Variants in ZNF654 observed in about 807,000 individuals in gnomAD.
The protein encoded by ZNF654 is zinc finger protein 654, also known as melanoma-associated antigen.
A neutral mutation model predicts 95.3 loss-of-function variants in ZNF654; 19 were observed. The observed-to-expected ratio is 0.20, with a 90% CI of 0.14 to 0.29. The LOEUF is 0.29. Among genes scored for constraint, ZNF654 ranks in the 10% least tolerant of loss-of-function variants. ZNF654 has a pLI of 1.00. For synonymous variants in ZNF654, 413 were observed against 457.9 expected, an observed-to-expected ratio of 0.90 and a Z score of 1.25; for missense variants, 1,046 against 1,341.0, an observed-to-expected ratio of 0.78 and a Z score of 3.44.
chr3:88,106,372 C>T (rs1322788435), intron 2 of ZNF654, among the ~76,000 whole-genome samples: 3 of 152,146 alleles, frequency 2.0e-5, no homozygotes, highest in Non-Finnish European at 4.4e-5. Flanking sequence ...GAGTCTCACT[C>T]TGTCACCCAG....
chr3:88,124,621 T>C (rs1705975108), intron 3 of ZNF654, among the ~76,000 whole-genome samples: 1 of 152,238 alleles, frequency 6.6e-6, no homozygotes, highest in Non-Finnish European at 1.5e-5. Context: ...TAGCCTTGAT[T>C]CATCTAATAA....
chr3:88,082,363 G>A (rs761786441), intron 1 of ZNF654, among the ~76,000 whole-genome samples: 1 of 152,212 alleles, frequency 6.6e-6, no homozygotes, highest in Non-Finnish European at 1.5e-5. Context: ...TTGACCTTGT[G>A]ATCTGCCCGC....
At chr3:88,104,560 A>C (rs1307569950) in intron 2 of ZNF654, among the ~76,000 whole-genome samples, 3 of 152,244 alleles carry the variant, frequency 2.0e-5, no homozygotes, top group African/African-American at 7.2e-5. Context: ...GGTTTGTAGC[A>C]TGTTTAAAAC....
intron 1 of ZNF654, among the ~76,000 whole-genome samples, chr3:88,072,089 A>G (rs889355019): frequency 2.0e-5 from 3 of 152,216 alleles, no homozygotes; most frequent in African/African-American, 7.2e-5. Context: ...CTTTAAGAAA[A>G]TAATAGGTAC....
chr3:88,132,000 C>T (rs754528952), intron 6 of ZNF654, among the ~76,000 whole-genome samples: 7 of 152,140 alleles, frequency 4.6e-5, no homozygotes, highest in Non-Finnish European at 1.0e-4. Context: ...CTTTCTCCTT[C>T]ACAATCATTA....
chr3:88,135,105 C>T lies in ZNF654; in HGVS notation c.938C>T (p.Pro313Leu). The change falls in exon 7 of 9, where the codon CCT (proline) becomes CTT (leucine). Residue 313 changes from proline to leucine, a missense_variant. Coordinates refer to ENST00000636215, the MANE Select transcript of ZNF654 (RefSeq NM_001350134.2). ...AGTAAACTACAGCTTAAATCTAATCCTTCAAAACAAGTTTTTGTAGATCAA... is the reference window on the plus strand; with the variant it reads ...AGTAAACTACAGCTTAAATCTAATCTTTCAAAACAAGTTTTTGTAGATCAA... ...IWSKLQLKSN[P>L]SKQVFVDQCY... 6.8e-7 allele frequency: 1 copy of T among 1,477,136 alleles called. No individual in the cohort carries two copies. The highest frequency in any genetic ancestry group is 8.9e-7 in the Non-Finnish European group (1 of 1,121,468). 91.5% of individuals were successfully genotyped at this position (1,477,136 alleles called of 1,614,324 possible).
intron 1 of ZNF654, among the ~76,000 whole-genome samples, chr3:88,076,409 T>C (rs946530424): frequency 6.6e-6 from 1 of 152,306 alleles, no homozygotes; most frequent in Admixed American, 6.5e-5. Context: ...CAGTTACTTC[T>C]GATATATATC....
At position 88,059,413 on chromosome 3, in the gene ZNF654, G is replaced by T. The variant is rs1191183715; in HGVS notation, c.94G>T (p.Ala32Ser). The change falls in exon 1 of 9, where the codon GCT (alanine) becomes TCT (serine). Residue 32 changes from alanine to serine, a missense_variant. Physicochemically the swap from Ala to Ser is moderately conservative, Grantham distance 99 (BLOSUM62 1). Coordinates refer to ENST00000636215, the MANE Select transcript of ZNF654 (RefSeq NM_001350134.2). Reference sequence around the variant, plus strand: ...CCCGCTGGGCCCTGTGGGGCTTAGAGCTGCGGGCGACGGCAGAGGCGGCGC... The same window carrying T: ...CCCGCTGGGCCCTGTGGGGCTTAGATCTGCGGGCGACGGCAGAGGCGGCGC... ...ESPLGPVGLRAAGDGRGGAGS... is the reference protein window; with the variant it reads ...ESPLGPVGLRSAGDGRGGAGS... 2.0e-6 allele frequency: 3 copies of T among 1,531,156 alleles called. No individual in the cohort carries two copies. In the African/African-American group the frequency reaches 4.1e-5, roughly 21 times the overall value. 94.8% of individuals were successfully genotyped at this position (1,531,156 alleles called of 1,614,324 possible).
In ZNF654 at chr3:88,113,099, C is replaced by G; in HGVS notation, c.333-16C>G. ...ACTCAAAGAAGCAATGAAAGTTATT[C>G]ACTTATTCTTTCTAGGAGTTTCTTT... is the stretch of plus-strand genomic sequence containing the variant. On this transcript the variant is annotated splice_polypyrimidine_tract_variant and intron_variant, in intron 2 of 8. Transcript: ENST00000636215. 1 of 1,500,438 alleles carries G rather than the reference C, an allele frequency of 6.7e-7. No homozygotes were observed. The highest frequency in any genetic ancestry group is 8.9e-7 in the Non-Finnish European group (1 of 1,118,078). 92.9% of individuals were successfully genotyped at this position (1,500,438 alleles called of 1,614,324 possible).
chr3:88,091,985 T>C (rs746099057), intron 2 of ZNF654, among the ~76,000 whole-genome samples: 2 of 152,228 alleles, frequency 1.3e-5, no homozygotes, highest in African/African-American at 2.4e-5. Context: ...AAATAATGTG[T>C]TAAGCAGAAG....
intron 2 of ZNF654, among the ~76,000 whole-genome samples, chr3:88,092,377 C>T (rs1703794087): frequency 1.3e-5 from 2 of 152,146 alleles, no homozygotes; most frequent in South Asian, 4.2e-4. Flanking sequence ...ATTAAACAAG[C>T]AGTTATACTT....
Position 88,109,146 on chromosome 3 carries a change from TG to T in ZNF654, c.333-3968del, listed in dbSNP as rs1387257674. Among the ~76,000 whole-genome samples, 18 of 146,004 alleles carry T rather than the reference TG, an allele frequency of 1.2e-4. No homozygotes were observed. In the East Asian group the frequency reaches 3.6e-3, roughly 29 times the overall value. On this transcript the variant is annotated intron_variant, in intron 2 of 8. Coordinates refer to ENST00000636215, the MANE Select transcript of ZNF654 (RefSeq NM_001350134.2). The stretch of plus-strand genomic sequence containing the variant: ...CCCTGTGGATAAGTGGGCACTAGTG[TG>T]TGTGTGTGTGTGTGTGTGTGTGTGT...
intron 1 of ZNF654, among the ~76,000 whole-genome samples, chr3:88,062,618 AT>A (rs2107584251): frequency 6.6e-6 from 1 of 152,312 alleles, no homozygotes; most frequent in African/African-American, 2.4e-5. Context: ...TCATAAATTG[AT>A]TGTAAACTAA....
At chr3:88,084,938 T>C (rs1247698208) in intron 1 of ZNF654, among the ~76,000 whole-genome samples, 4 of 152,224 alleles carry the variant, frequency 2.6e-5, no homozygotes, top group African/African-American at 9.6e-5. Flanking sequence ...CACATCTGCC[T>C]GACCTCTGCC....
intron 1 of ZNF654, among the ~76,000 whole-genome samples, chr3:88,069,025 T>C (rs1707355771): frequency 6.6e-6 from 1 of 152,146 alleles, no homozygotes; most frequent in Non-Finnish European, 1.5e-5. Flanking sequence ...AGCAGTGGAA[T>C]GGACACTGTT....
chr3:88,104,967 T>G (rs1185660078), intron 2 of ZNF654, among the ~76,000 whole-genome samples: 1 of 152,104 alleles, frequency 6.6e-6, no homozygotes, highest in Non-Finnish European at 1.5e-5. Context: ...AGTGAAACCC[T>G]GTCTCTACTA....
chr3:88,139,145 G>A lies in ZNF654; in HGVS notation c.1476G>A (p.Gln492=). The A allele has an allele frequency of 5.3e-6, 7 of 1,312,272 alleles. No individual in the cohort carries two copies. Among genetic ancestry groups the A allele is most frequent in the Non-Finnish European group, 6.8e-6 (7 of 1,029,416 alleles). The allele number at this position is 1,312,272 out of a possible 1,614,324, so 81.3% of individuals were successfully genotyped here. A position where few individuals can be genotyped will look rare whatever the true frequency, so the allele number is the denominator to read the frequency against. The change falls in exon 8 of 9, where the codon CAG becomes CAA. Residue 492 remains glutamine, a synonymous_variant. Transcript: ENST00000636215. ...NAGNLKRTEE[Q]QGLDEGFDSL... ...GTAATCTAAAAAGGACGGAGGAACA[G>A]CAAGGTTTGGATGAAGGGTTTGACT... is the stretch of plus-strand genomic sequence containing the variant.
At chr3:88,061,592 A>C (rs1706886502) in intron 1 of ZNF654, among the ~76,000 whole-genome samples, 1 of 152,126 alleles carries the variant, frequency 6.6e-6, no homozygotes. Context: ...AGCTTTGTGA[A>C]GTCCTTTTTT....
intron 3 of ZNF654, among the ~76,000 whole-genome samples, chr3:88,120,546 G>C (rs1705704399): frequency 6.6e-6 from 1 of 152,070 alleles, no homozygotes; most frequent in Non-Finnish European, 1.5e-5. Context: ...GAAGAAAATT[G>C]ACATGATAAT....
Sources: gnomAD v4.1 joint callset for allele counts (sites outside exome capture counted in the v4.1 genomes callset) on GRCh38, gnomAD v4.1.1 for gene constraint, MANE v1.5 for transcripts, NCBI Gene and HGNC (gene_info 2026-07-23, HGNC 2026-07-21) for gene names.